Variants in ADGRV1 observed in about 807,000 individuals in gnomAD.
The protein encoded by ADGRV1 is adhesion G protein-coupled receptor V1.
ADGRV1 carries 359 observed loss-of-function variants against 596.2 expected under a neutral mutation model. That is an observed-to-expected ratio of 0.60 (90% CI 0.55 to 0.66). The LOEUF (loss-of-function observed/expected upper bound fraction) is 0.66. ADGRV1 is among the 30% of genes least tolerant of loss of function. The pLI is 0.00. For missense variants in ADGRV1, 7,274 were observed against 7,575.6 expected, an observed-to-expected ratio of 0.96 and a Z score of 1.48; for synonymous variants, 2,681 against 2,679.2, an observed-to-expected ratio of 1.00 and a Z score of -0.02.
At chr5:90,972,473 G>C (rs1269159895) in intron 84 of ADGRV1, among the ~76,000 whole-genome samples, 1 of 152,154 alleles carries the variant, frequency 6.6e-6, no homozygotes, top group African/African-American at 2.4e-5. Context: ...CTCAGCAAAT[G>C]TAAAAGAACA....
chr5:90,708,312 A>G (rs1161995631), intron 38 of ADGRV1, among the ~76,000 whole-genome samples: 1 of 152,052 alleles, frequency 6.6e-6, no homozygotes, highest in Non-Finnish European at 1.5e-5. Flanking sequence ...TCATTATTAC[A>G]ATCTCCCACC....
At chr5:90,813,673 A>G (rs1384893603) in intron 74 of ADGRV1, among the ~76,000 whole-genome samples, 1 of 152,204 alleles carries the variant, frequency 6.6e-6, no homozygotes, top group Non-Finnish European at 1.5e-5. Context: ...CTACACCACC[A>G]GGCACATTCA....
rs745783842 is a variant in ADGRV1 at position 90,756,451 on chromosome 5, C to CA, written c.11581-2dup. 3.4e-5 allele frequency: 50 copies of CA among 1,490,340 alleles called. No individual in the cohort carries two copies. The highest frequency in any genetic ancestry group is 4.3e-5 in the Non-Finnish European group (48 of 1,115,734). 92.3% of individuals were successfully genotyped at this position (1,490,340 alleles called of 1,614,324 possible). ...AACACCATCTTTTTCCCCCATCCCC[C>CA]AGGATGACCTTCCTGAATTGGAGGA... On this transcript the variant is annotated splice_region_variant and splice_polypyrimidine_tract_variant and intron_variant, in intron 55 of 89. Transcript: ENST00000405460.
intron 83 of ADGRV1, among the ~76,000 whole-genome samples, chr5:90,911,227 G>A (rs1162297250): frequency 6.6e-6 from 1 of 152,046 alleles, no homozygotes; most frequent in Non-Finnish European, 1.5e-5. Flanking sequence ...CAGGAAAAGG[G>A]GGTAGACAGC....
At chr5:91,149,249 C>G (rs796204640) in intron 87 of ADGRV1, among the ~76,000 whole-genome samples, 2 of 152,174 alleles carry the variant, frequency 1.3e-5, no homozygotes, top group African/African-American at 2.4e-5. Context: ...TGGTTTGGCT[C>G]TGTGTTCTCC....
In ADGRV1 at chr5:91,051,807, A is replaced by G. The variant is rs141821037; in HGVS notation, c.18153-20640A>G. ...TATTTTTGACTTAAAATGGGGTTAC[A>G]TCCCAATGAGCATCTATATTTGGCA... On this transcript the variant is annotated intron_variant, in intron 85 of 89. Coordinates refer to ENST00000405460, the MANE Select transcript of ADGRV1 (RefSeq NM_032119.4). Among the ~76,000 whole-genome samples, 1,162 of 152,186 alleles carry G rather than the reference A, an allele frequency of 7.6e-3. 12 individuals carry two copies. The highest frequency in any genetic ancestry group is 0.025 in the African/African-American group (1,039 of 41,528).
At chr5:90,844,872 G>A (rs976391369) in intron 78 of ADGRV1, among the ~76,000 whole-genome samples, 1 of 152,128 alleles carries the variant, frequency 6.6e-6, no homozygotes, top group African/African-American at 2.4e-5. Context: ...ATAATGTTGG[G>A]AGTTCTTTTG....
At chr5:90,728,190 C>A (rs1182478249) in intron 48 of ADGRV1, among the ~76,000 whole-genome samples, 1 of 152,148 alleles carries the variant, frequency 6.6e-6, no homozygotes, top group Non-Finnish European at 1.5e-5. Flanking sequence ...TGAACACTTA[C>A]CCTGAAAACT....
rs539042166 is a variant in ADGRV1, at chr5:90,925,107, G to A, written c.17857-40308G>A. 3.3e-5 allele frequency among the ~76,000 whole-genome samples: 5 copies of A among 152,182 alleles called. No homozygotes were observed. In the East Asian group the frequency reaches 5.8e-4, roughly 18 times the overall value. On this transcript the variant is annotated intron_variant, in intron 83 of 89. Coordinates refer to ENST00000405460, the MANE Select transcript of ADGRV1 (RefSeq NM_032119.4). ...TCTTTTGGCTTAGGATTGCCTTGGCGATGCGGGCTCTTTTTTGGTTCCATA... is the reference window on the plus strand; with the variant it reads ...TCTTTTGGCTTAGGATTGCCTTGGCAATGCGGGCTCTTTTTTGGTTCCATA...
chr5:90,992,129 C>T (rs1236808634), intron 85 of ADGRV1, among the ~76,000 whole-genome samples: 2 of 152,188 alleles, frequency 1.3e-5, no homozygotes, highest in African/African-American at 4.8e-5. Context: ...TACGCTTCCC[C>T]ACGAAGTCTT....
At chr5:90,728,046 G>A (rs890523276) in intron 48 of ADGRV1, among the ~76,000 whole-genome samples, 3 of 152,158 alleles carry the variant, frequency 2.0e-5, no homozygotes, top group African/African-American at 4.8e-5. Flanking sequence ...TAAAGGGAAA[G>A]GTCGCTGTAT....
At position 90,741,159 on chromosome 5, in the gene ADGRV1, G is replaced by A. The variant is rs80300910; in HGVS notation, c.10550-3887G>A. Among the ~76,000 whole-genome samples the A allele has an allele frequency of 6.9e-3, 1,048 of 152,066 alleles. 6 individuals carry two copies. Among genetic ancestry groups the A allele is most frequent in the African/African-American group, 0.023 (969 of 41,464 alleles). ...TTTCTACTCCTTCCTCCTCATCCCT[G>A]TGGAATGCCCATACCACATTCTCCC... On this transcript the variant is annotated intron_variant, in intron 50 of 89. Transcript: ENST00000405460.
chr5:90,851,176 T>TGAC (rs1294407075), intron 79 of ADGRV1, among the ~76,000 whole-genome samples: 1 of 121,968 alleles, frequency 8.2e-6, no homozygotes, highest in African/African-American at 2.6e-5. Flanking sequence ...AGAATGAATC[T>TGAC]GACTTTGGAT....
intron 1 of ADGRV1, among the ~76,000 whole-genome samples, chr5:90,593,370 A>G (rs1759784744): frequency 6.7e-6 from 1 of 150,050 alleles, no homozygotes; most frequent in African/African-American, 2.4e-5. Flanking sequence ...CAAACACCAC[A>G]TGTTCTCACT....
intron 83 of ADGRV1, among the ~76,000 whole-genome samples, chr5:90,869,339 T>C (rs996841017): frequency 6.6e-6 from 1 of 152,018 alleles, no homozygotes; most frequent in African/African-American, 2.4e-5. Flanking sequence ...CACAGAGAAA[T>C]AGGTAAGTTT....
At position 90,895,519 on chromosome 5, in the gene ADGRV1, G is replaced by A. The variant is rs931075263; in HGVS notation, c.17856+31662G>A. ...GAGCAACAAAGTGGACATTGTAGCT[G>A]GAATTTTAACAAGATGGGGAGTCTT... On this transcript the variant is annotated intron_variant, in intron 83 of 89. Coordinates refer to ENST00000405460, the MANE Select transcript of ADGRV1 (RefSeq NM_032119.4). Among the ~76,000 whole-genome samples, 53 of 152,284 alleles carry A rather than the reference G, an allele frequency of 3.5e-4. 1 individual carries two copies. Among genetic ancestry groups the A allele is most frequent in the Non-Finnish European group, 1.3e-4 (9 of 68,018 alleles).
chr5:90,888,729 G>T (rs190789246), intron 83 of ADGRV1, among the ~76,000 whole-genome samples: 5 of 151,896 alleles, frequency 3.3e-5, no homozygotes, highest in African/African-American at 1.2e-4. Flanking sequence ...TCTATGCTTG[G>T]CTTATTCAGG....
intron 1 of ADGRV1, among the ~76,000 whole-genome samples, chr5:90,607,716 G>A (rs1161509792): frequency 6.6e-6 from 1 of 152,070 alleles, no homozygotes; most frequent in Non-Finnish European, 1.5e-5. Context: ...ACTGAAAGTT[G>A]ACAAGCCACA....
In ADGRV1 at chr5:90,810,589, G is replaced by C; in HGVS notation, c.15329G>C (p.Ser5110Thr). The C allele has an allele frequency of 6.2e-7, 1 of 1,613,914 alleles. No individual in the cohort carries two copies. The change falls in exon 74 of 90, where the codon AGC becomes ACC. Residue 5110 changes from serine (S) to threonine (T), a missense_variant. Coordinates refer to ENST00000405460, the MANE Select transcript of ADGRV1 (RefSeq NM_032119.4). ...TTACAAAAGTTTGATGTTAATTGGA[G>C]CCCACGCCTGAATCTAGATTTCAGT... ...RGLQKFDVNWSPRLNLDFSVA... is the reference protein window; with the variant it reads ...RGLQKFDVNWTPRLNLDFSVA...
Sources: gnomAD v4.1 joint callset for allele counts (sites outside exome capture counted in the v4.1 genomes callset) on GRCh38, gnomAD v4.1.1 for gene constraint, MANE v1.5 for transcripts, NCBI Gene and HGNC (gene_info 2026-07-23, HGNC 2026-07-21) for gene names.